Variants in SPATS2 observed in about 807,000 individuals in gnomAD.
SPATS2 encodes spermatogenesis-associated serine-rich protein 2.
In SPATS2, 38 loss-of-function variants were observed where a neutral mutation model predicts 63.7. The observed-to-expected ratio is 0.60, with a 90% confidence interval of 0.46 to 0.78. SPATS2 has a LOEUF of 0.78. Among genes scored for constraint, SPATS2 ranks in the 30% least tolerant of loss-of-function variants. The pLI is 0.00. For synonymous variants in SPATS2, 207 were observed against 232.9 expected, an observed-to-expected ratio of 0.89 and a Z score of 1.01; for missense variants, 588 against 666.2, an observed-to-expected ratio of 0.88 and a Z score of 1.29.
At chr12:49,439,626 A>G (rs1373280891) in intron 2 of SPATS2, among the ~76,000 whole-genome samples, 1 of 152,208 alleles carries the variant, frequency 6.6e-6, no homozygotes, top group East Asian at 1.9e-4. Context: ...GGTTAGTACC[A>G]CATACTGAGA....
intron 2 of SPATS2, among the ~76,000 whole-genome samples, chr12:49,418,688 ACCT>A (rs1944932231): frequency 6.6e-6 from 1 of 152,046 alleles, no homozygotes; most frequent in Admixed American, 6.6e-5. Context: ...TGATCCATCT[ACCT>A]CAGCCTCCCA....
At chr12:49,486,322 C>T (rs1946292697) in intron 4 of SPATS2, 2 of 417,868 alleles carry the variant, frequency 4.8e-6, no homozygotes, top group Non-Finnish European at 9.6e-6. Context: ...TCTCCTGCCT[C>T]AACCTCCCGT....
intron 2 of SPATS2, among the ~76,000 whole-genome samples, chr12:49,419,783 AT>A (rs1343026915): frequency 6.6e-6 from 1 of 152,210 alleles, no homozygotes; most frequent in Non-Finnish European, 1.5e-5. Context: ...AGCAGCATAT[AT>A]ATTTAACATT....
chr12:49,375,141 AGTGTGTGT>A (rs10601423), intron 2 of SPATS2, among the ~76,000 whole-genome samples: 25,740 of 123,072 alleles, frequency 0.21, 2,610 homozygotes, highest in Admixed American at 0.25. Flanking sequence ...CAAGTTGTGG[AGTGTGTGT>A]GTGTGTGTGT....
intron 2 of SPATS2, among the ~76,000 whole-genome samples, chr12:49,420,305 A>C (rs1565712736): frequency 6.6e-6 from 1 of 152,228 alleles, no homozygotes; most frequent in Non-Finnish European, 1.5e-5. Context: ...TACAAGTATA[A>C]AGTGAGGCCT....
rs547825208 is a variant in SPATS2 at position 49,513,882 on chromosome 12, C to T, written c.840-673C>T. ...ATAAAAAGTATGAGTACAGGCCGGG[C>T]GCGGTGGCTCACACCTGTAATCCCA... On this transcript the variant is annotated intron_variant, in intron 9 of 13. Coordinates refer to ENST00000552918, the MANE Select transcript of SPATS2 (RefSeq NM_023071.4). Among the ~76,000 whole-genome samples, 18 of 152,184 alleles carry T rather than the reference C, an allele frequency of 1.2e-4. No homozygotes were observed. In the South Asian group the frequency reaches 2.1e-3, roughly 18 times the overall value.
In SPATS2 at chr12:49,516,196, T is replaced by TAA. The variant is rs1447902917; in HGVS notation, c.898+1584_898+1585insAA. On this transcript the variant is annotated intron_variant, in intron 10 of 13. Coordinates refer to ENST00000552918, the MANE Select transcript of SPATS2 (RefSeq NM_023071.4). ...ATATATATATATATATATATATATA[T>TAA]ATATATATATATAAATCAGGCATGG... is the stretch of plus-strand genomic sequence containing the variant. Among the ~76,000 whole-genome samples the TAA allele has an allele frequency of 9.1e-4, 60 of 66,124 alleles. 6 individuals carry two copies. The highest frequency in any genetic ancestry group is 3.3e-3 in the African/African-American group (53 of 15,824). 43.4% of individuals were successfully genotyped at this position (66,124 alleles called of 152,430 possible).
intron 2 of SPATS2, among the ~76,000 whole-genome samples, chr12:49,437,334 C>T (rs1329528551): frequency 2.6e-5 from 4 of 151,362 alleles, no homozygotes; most frequent in Admixed American, 6.6e-5. Context: ...AGACGCTCCT[C>T]ACTTTCCAGA....
At chr12:49,430,408 A>T (rs965260311) in intron 2 of SPATS2, among the ~76,000 whole-genome samples, 3 of 151,962 alleles carry the variant, frequency 2.0e-5, no homozygotes, top group South Asian at 2.1e-4. Flanking sequence ...GGCATTTCAT[A>T]TTTCTTTATA....
At chr12:49,418,119 T>G (rs896416160) in intron 2 of SPATS2, among the ~76,000 whole-genome samples, 2 of 141,532 alleles carry the variant, frequency 1.4e-5, no homozygotes, top group African/African-American at 5.5e-5. Context: ...TTTTTTTTTT[T>G]TTTTTTTTTT....
At chr12:49,523,861 A>C (rs138836553) in intron 12 of SPATS2, among the ~76,000 whole-genome samples, 4,409 of 152,054 alleles carry the variant, frequency 0.029, 88 homozygotes, top group Middle Eastern at 0.078. Context: ...CTGAGGCAGG[A>C]GAATGGCGTG....
intron 3 of SPATS2, among the ~76,000 whole-genome samples, chr12:49,472,647 A>G (rs1321351999): frequency 1.4e-5 from 2 of 147,892 alleles, no homozygotes; most frequent in African/African-American, 4.9e-5. Flanking sequence ...ATATTATATT[A>G]TTATATTATT....
chr12:49,411,820 A>G (rs762921140), intron 2 of SPATS2, among the ~76,000 whole-genome samples: 11 of 152,160 alleles, frequency 7.2e-5, no homozygotes, highest in Non-Finnish European at 1.5e-4. Flanking sequence ...TTCTTCTTTC[A>G]CAGTACCTTC....
At chr12:49,433,806 A>G (rs558103936) in intron 2 of SPATS2, among the ~76,000 whole-genome samples, 2 of 152,220 alleles carry the variant, frequency 1.3e-5, no homozygotes, top group African/African-American at 2.4e-5. Flanking sequence ...CCATTTGTCT[A>G]TTACTGCTTT....
chr12:49,500,390 A>G (rs1396200977), intron 9 of SPATS2, among the ~76,000 whole-genome samples, 185 bp downstream of exon 9: 1 of 152,212 alleles, frequency 6.6e-6, no homozygotes, highest in Non-Finnish European at 1.5e-5. Context: ...TGAGAATGGT[A>G]CAGATAACTC....
chr12:49,374,456 A>T (rs1030753292), intron 2 of SPATS2, among the ~76,000 whole-genome samples: 1 of 152,176 alleles, frequency 6.6e-6, no homozygotes, highest in African/African-American at 2.4e-5. Context: ...GCCACTGGAT[A>T]TTAAGGATAG....
chr12:49,523,853 G>A (rs993750617), intron 12 of SPATS2, among the ~76,000 whole-genome samples: 1 of 152,116 alleles, frequency 6.6e-6, no homozygotes, highest in African/African-American at 2.4e-5. Context: ...TCGGGAGGCT[G>A]AGGCAGGAGA....
intron 2 of SPATS2, among the ~76,000 whole-genome samples, chr12:49,426,612 T>G (rs530049875): frequency 6.6e-5 from 10 of 152,138 alleles, no homozygotes; most frequent in Non-Finnish European, 1.5e-4. Flanking sequence ...GGCGCCATCT[T>G]GGCTCACTGC....
At chr12:49,376,395 G>T (rs1263273246) in intron 2 of SPATS2, among the ~76,000 whole-genome samples, 2 of 151,166 alleles carry the variant, frequency 1.3e-5, no homozygotes, top group East Asian at 3.9e-4. Flanking sequence ...GAGCTATCAC[G>T]CCCGCCCCTG....
Sources: gnomAD v4.1 joint callset for allele counts (sites outside exome capture counted in the v4.1 genomes callset) on GRCh38, gnomAD v4.1.1 for gene constraint, MANE v1.5 for transcripts, NCBI Gene and HGNC (gene_info 2026-07-23, HGNC 2026-07-21) for gene names.